The following HHIPL1 variants were observed in gnomAD, a reference collection of about 807,000 sequenced individuals.
The protein encoded by HHIPL1 is HHIP like 1.
In HHIPL1, 43 loss-of-function variants were observed where a neutral mutation model predicts 61.8. The ratio of observed to expected loss-of-function variants is 0.70; its 90% CI spans 0.55 to 0.90. The LOEUF (loss-of-function observed/expected upper bound fraction) is 0.90. HHIPL1 is among the 40% of genes least tolerant of loss of function. The pLI is 0.00. For synonymous variants in HHIPL1, 482 were observed against 515.8 expected (o/e 0.93, Z 0.89); for missense variants, 1,056 against 1,157.7 (o/e 0.91, Z 1.28).
At chr14:99,656,707 C>T (rs1203528825) in intron 2 of HHIPL1, among the ~76,000 whole-genome samples, 1 of 149,932 alleles carries the variant, frequency 6.7e-6, no homozygotes, top group Non-Finnish European at 1.5e-5. Context: ...ACTTGGGTGG[C>T]GGCGGTTGCA....
In HHIPL1 at chr14:99,660,978, C is replaced by T. The variant is rs1029867284; in HGVS notation, c.1502+572C>T. 6.6e-6 allele frequency among the ~76,000 whole-genome samples: 1 copy of T among 152,136 alleles called. No homozygotes were observed. Among genetic ancestry groups the T allele is most frequent in the Non-Finnish European group, 1.5e-5 (1 of 68,010 alleles). ...TCTTGTGGCCTTGGAGCCTTGCTGCCCTGCCCCCGTGCTCTAGGGCAGCAG... is the reference window on the plus strand; with the variant it reads ...TCTTGTGGCCTTGGAGCCTTGCTGCTCTGCCCCCGTGCTCTAGGGCAGCAG... On this transcript the variant is annotated intron_variant, in intron 5 of 8. Coordinates refer to ENST00000330710, the MANE Select transcript of HHIPL1 (RefSeq NM_001127258.3). The surrounding 1 kb of genome is among the most constrained non-coding windows in gnomAD (Gnocchi z 4.9).
intron 4 of HHIPL1, 148 bp downstream of exon 4, chr14:99,659,904 C>T (rs1265549478): frequency 4.0e-6 from 3 of 748,866 alleles, no homozygotes; most frequent in Non-Finnish European, 6.2e-6. Flanking sequence ...ACTCTATGGG[C>T]TGTGCGGCAG....
At chr14:99,654,577 G>C (rs1036564887) in intron 2 of HHIPL1, among the ~76,000 whole-genome samples, 1 of 152,220 alleles carries the variant, frequency 6.6e-6, no homozygotes, top group African/African-American at 2.4e-5. Flanking sequence ...GAGGAGGTAG[G>C]GGGAGGGCCA....
chr14:99,605,648 G>C, the HHIPL1 span, among the ~76,000 whole-genome samples: 24 of 152,386 alleles, frequency 1.6e-4, no homozygotes, highest in African/African-American at 4.6e-4. Flanking sequence ...AGACGAGCTA[G>C]ATCAGGATGA....
At chr14:99,640,925 C>T (rs1404137141), upstream of HHIPL1, among the ~76,000 whole-genome samples, 2 of 121,878 alleles carry the variant, frequency 1.6e-5, no homozygotes, top group East Asian at 2.6e-4. Context: ...ATCTCTCTCT[C>T]GCCCAGGCTG....
chr14:99,653,669 C>G (rs2055978286), intron 2 of HHIPL1, among the ~76,000 whole-genome samples: 1 of 152,172 alleles, frequency 6.6e-6, no homozygotes, highest in South Asian at 2.1e-4. Flanking sequence ...TCCTTCCTGC[C>G]CTGAAGTTCA....
chr14:99,659,055 C>T (rs1019882968), intron 3 of HHIPL1, among the ~76,000 whole-genome samples: 5 of 152,226 alleles, frequency 3.3e-5, no homozygotes, highest in African/African-American at 1.2e-4. Context: ...TGGATCCCAG[C>T]GGTGCGGCAA....
the HHIPL1 span, among the ~76,000 whole-genome samples, chr14:99,639,911 C>A: frequency 1.3e-5 from 2 of 152,230 alleles, no homozygotes; most frequent in African/African-American, 2.4e-5. Context: ...CCTCCCACAT[C>A]GGCCTCCCAA....
chr14:99,655,947 G>A (rs892162918), intron 2 of HHIPL1, among the ~76,000 whole-genome samples: 2 of 152,166 alleles, frequency 1.3e-5, no homozygotes, highest in East Asian at 1.9e-4. Flanking sequence ...CACCACTTCC[G>A]GAGGCAGGGC....
the HHIPL1 span, among the ~76,000 whole-genome samples, chr14:99,612,464 ACT>A: frequency 6.6e-6 from 1 of 152,194 alleles, no homozygotes; most frequent in Non-Finnish European, 1.5e-5. Context: ...GAGCAGGTTT[ACT>A]CACTTGGGAT....
Position 99,668,408 on chromosome 14 carries a change from C to G in HHIPL1, c.1730+105C>G, listed in dbSNP as rs1401377528. Reference sequence around the variant, plus strand: ...GCCCTCAGGTGGGTGGTATTAATCCCCATTTTCAGACAAGAACCCTGAGGC... The same window carrying G: ...GCCCTCAGGTGGGTGGTATTAATCCGCATTTTCAGACAAGAACCCTGAGGC... On this transcript the variant is annotated intron_variant, in intron 7 of 8. Coordinates refer to ENST00000330710, the MANE Select transcript of HHIPL1 (RefSeq NM_001127258.3). The surrounding 1 kb of genome is among the most constrained non-coding windows in gnomAD (Gnocchi z 4.7). The G allele has an allele frequency of 4.1e-6, 3 of 723,896 alleles. No homozygotes were observed. Among genetic ancestry groups the G allele is most frequent in the Non-Finnish European group, 7.4e-6 (3 of 403,198 alleles). The allele number at this position is 723,896 out of a possible 1,614,324, so 44.8% of individuals were successfully genotyped here.
chr14:99,615,189 TA>T, the HHIPL1 span, among the ~76,000 whole-genome samples: 19 of 150,376 alleles, frequency 1.3e-4, no homozygotes, highest in Admixed American at 4.6e-4. Context: ...ATTTTCCAAT[TA>T]AAAAAAAATA....
At chr14:99,650,969 C>T (rs1410498209) in intron 1 of HHIPL1, among the ~76,000 whole-genome samples, 1 of 144,618 alleles carries the variant, frequency 6.9e-6, no homozygotes, top group Non-Finnish European at 1.6e-5. Flanking sequence ...AAATACCTGG[C>T]TGGGTGCAGT....
chr14:99,658,341 T>G (rs1178693659), intron 3 of HHIPL1, among the ~76,000 whole-genome samples: 1 of 152,144 alleles, frequency 6.6e-6, no homozygotes, highest in African/African-American at 2.4e-5. Context: ...ATCTGGATGG[T>G]GTTCAGCAGG....
At chr14:99,664,570 C>T (rs1392777749) in intron 6 of HHIPL1, among the ~76,000 whole-genome samples, 1 of 152,158 alleles carries the variant, frequency 6.6e-6, no homozygotes, top group African/African-American at 2.4e-5. Context: ...CTGGACAGCA[C>T]AGAGCCCGGA....
In HHIPL1 at chr14:99,659,728, C is replaced by T; in HGVS notation, c.1347C>T (p.Asp449=). ...CGCGCGAAGGGTTCGAGTGCTACGA[C>T]CGCAGCCTGTGCGCCAACACCTCTC... The part of the protein sequence containing the change: ...WRAREGFECY[D]RSLCANTSLN... Residue 449 remains aspartate, a synonymous_variant, in exon 4 of 9, where the codon GAC becomes GAT. Transcript: ENST00000330710. 1 of 1,455,556 alleles carries T rather than the reference C, an allele frequency of 6.9e-7. No individual in the cohort carries two copies. The allele number at this position is 1,455,556 out of a possible 1,614,324, so 90.2% of individuals were successfully genotyped here.
Position 99,645,402 on chromosome 14 carries a change from C to T in HHIPL1, c.195C>T (p.Ser65=). 7.1e-7 allele frequency: 1 copy of T among 1,412,734 alleles called. No individual in the cohort carries two copies. The allele number at this position is 1,412,734 out of a possible 1,614,324, so 87.5% of individuals were successfully genotyped here. ...CCCGCCGCTTCTGGGCCCTGGCGAG[C>T]CGCGTGGACGCCGCCGAGTGGGCCG... is the stretch of plus-strand genomic sequence containing the variant. ...ELTRRFWALA[S]RVDAAEWAAC... The change falls in exon 1 of 9, where the codon AGC becomes AGT. Residue 65 remains serine, a synonymous_variant. Coordinates refer to ENST00000330710, the MANE Select transcript of HHIPL1 (RefSeq NM_001127258.3).
rs929434554 is a variant in HHIPL1, at chr14:99,663,166, C to T, written c.1648+145C>T. 13 of 714,014 alleles carry T rather than the reference C, an allele frequency of 1.8e-5. 1 individual carries two copies. The highest frequency in any genetic ancestry group is 9.9e-5 in the South Asian group (4 of 40,278). 44.2% of individuals were successfully genotyped at this position (714,014 alleles called of 1,614,324 possible). ...ACCTGGGATGTTCCCTGGCTCCAGA[C>T]GTGCATGTGCCTCTGTTACGGAAAG... On this transcript the variant is annotated intron_variant, in intron 6 of 8. Transcript: ENST00000330710.
Position 99,675,265 on chromosome 14 carries a change from C to T in HHIPL1, c.1988C>T (p.Ser663Leu). The change falls in exon 9 of 9, where the codon TCG (serine) becomes TTG (leucine). Residue 663 changes from serine (S) to leucine (L), a missense_variant. Ser to Leu is a moderately radical substitution (Grantham distance 145, BLOSUM62 -2). Transcript: ENST00000330710. This position sits in a 1 kb window ranked among gnomAD's most constrained non-coding sequence, Gnocchi z 5.4. ...GGGRRRGRLNSASRAFRDGEV... is the reference protein window; with the variant it reads ...GGGRRRGRLNLASRAFRDGEV... ...GGGCGGCGGCGGGGGCGGCTGAACTCGGCGAGCCGGGCGTTCCGGGATGGC... is the reference window on the plus strand; with the variant it reads ...GGGCGGCGGCGGGGGCGGCTGAACTTGGCGAGCCGGGCGTTCCGGGATGGC... The T allele has an allele frequency of 1.6e-6, 2 of 1,247,606 alleles. No homozygotes were observed. The highest frequency in any genetic ancestry group is 3.3e-5 in the South Asian group (1 of 29,890). The allele number at this position is 1,247,606 out of a possible 1,614,324, so 77.3% of individuals were successfully genotyped here.
Sources: gnomAD v4.1 joint callset for allele counts (sites outside exome capture counted in the v4.1 genomes callset) on GRCh38, gnomAD v4.1.1 for gene constraint, Gnocchi (gnomAD v3.1) non-coding constraint, MANE v1.5 for transcripts, NCBI Gene and HGNC (gene_info 2026-07-23, HGNC 2026-07-21) for gene names.